Variants in PECAM1 observed in about 807,000 individuals in gnomAD.
PECAM1 encodes platelet endothelial cell adhesion molecule.
Under a neutral mutation model 13.8 loss-of-function variants are expected in PECAM1, and 8 were observed. The ratio of observed to expected loss-of-function variants is 0.58; its 90% confidence interval spans 0.34 to 1.05. PECAM1 has a LOEUF of 1.05. PECAM1 is among the 50% of genes least tolerant of loss of function. The probability of loss-of-function intolerance (pLI) is 0.03; values close to 1 mark genes in which losing one functional copy is unlikely to be tolerated. For synonymous variants in PECAM1, 136 were observed against 52.6 expected, an observed-to-expected ratio of 2.58 and a Z score of -6.86; for missense variants, 304 against 141.2, an observed-to-expected ratio of 2.15 and a Z score of -5.84.
At chr17:64,381,148 A>G (rs2036473684) in intron 2 of PECAM1, among the ~76,000 whole-genome samples, 1 of 152,192 alleles carries the variant, frequency 6.6e-6, no homozygotes, top group Non-Finnish European at 1.5e-5. Flanking sequence ...TGTTGATGAG[A>G]TATTGTCCCT....
At chr17:64,350,145 G>A (rs1400177873) in intron 12 of PECAM1, among the ~76,000 whole-genome samples, 2 of 152,052 alleles carry the variant, frequency 1.3e-5, no homozygotes, top group African/African-American at 4.8e-5. Flanking sequence ...GTTGTTTTTT[G>A]AGTATAACCC....
At chr17:64,346,577 C>A (rs1417208882) in intron 13 of PECAM1, among the ~76,000 whole-genome samples, 4 of 152,182 alleles carry the variant, frequency 2.6e-5, no homozygotes, top group Non-Finnish European at 5.9e-5. Flanking sequence ...CTCAAGTGAT[C>A]CACCTGCCTT....
intron 4 of PECAM1, among the ~76,000 whole-genome samples, chr17:64,371,556 G>T (rs913454198): frequency 6.6e-6 from 1 of 152,122 alleles, no homozygotes; most frequent in South Asian, 2.1e-4. Context: ...AAGGGGTCAG[G>T]CACGGTGCTC....
chr17:64,381,699 A>C (rs1292515053), intron 2 of PECAM1, among the ~76,000 whole-genome samples: 1 of 152,208 alleles, frequency 6.6e-6, no homozygotes, highest in African/African-American at 2.4e-5. Flanking sequence ...GTTTAAATTC[A>C]AGTCATTTCC....
At chr17:64,351,235 T>C (rs1358835393) in intron 11 of PECAM1, among the ~76,000 whole-genome samples, 1 of 152,204 alleles carries the variant, frequency 6.6e-6, no homozygotes, top group Non-Finnish European at 1.5e-5. Flanking sequence ...ACACATTACT[T>C]TTATTACTAC....
intron 13 of PECAM1, among the ~76,000 whole-genome samples, chr17:64,345,492 C>T (rs1477709702): frequency 1.3e-5 from 2 of 152,028 alleles, no homozygotes; most frequent in Non-Finnish European, 2.9e-5. Context: ...GCGGGTGGAT[C>T]ACCTGAGGTC....
Position 64,321,105 on chromosome 17 carries a change from G to C in PECAM1, c.*2711C>G, listed in dbSNP as rs2034803728. The C allele has an allele frequency of 6.6e-6, 1 of 152,240 alleles. No homozygotes were observed. The highest frequency in any genetic ancestry group is 1.5e-5 in the Non-Finnish European group (1 of 68,070). 9.4% of individuals were successfully genotyped at this position (152,240 alleles called of 1,614,324 possible). A position where few individuals can be genotyped will look rare whatever the true frequency, so the allele number is the denominator to read the frequency against. On this transcript the variant is annotated 3_prime_UTR_variant, in exon 16 of 16. Coordinates refer to ENST00000563924, the MANE Select transcript of PECAM1 (RefSeq NM_000442.5). Reference sequence around the variant, plus strand: ...AGTTAGCCAATCAGAGAACGCTGATGGGGCGACCAGTATATGCTCATGAAA... The same window carrying C: ...AGTTAGCCAATCAGAGAACGCTGATCGGGCGACCAGTATATGCTCATGAAA...
intron 4 of PECAM1, among the ~76,000 whole-genome samples, chr17:64,373,036 C>T (rs1193823712): frequency 3.3e-5 from 5 of 151,414 alleles, no homozygotes; most frequent in Middle Eastern, 3.4e-3. Context: ...CGCTTGAACC[C>T]GGGAGGCGGA....
At chr17:64,388,165 C>T (rs1246637139) in intron 2 of PECAM1, among the ~76,000 whole-genome samples, 1 of 152,076 alleles carries the variant, frequency 6.6e-6, no homozygotes, top group Non-Finnish European at 1.5e-5. Context: ...AAGGAGGGAG[C>T]AATTGACTTC....
intron 15 of PECAM1, among the ~76,000 whole-genome samples, chr17:64,325,557 G>A (rs1052255561): frequency 2.0e-5 from 3 of 152,108 alleles, no homozygotes; most frequent in Admixed American, 6.5e-5. Flanking sequence ...GCAACATGGC[G>A]AAGCCCCATC....
intron 15 of PECAM1, among the ~76,000 whole-genome samples, chr17:64,326,452 C>T (rs2034961767): frequency 6.6e-6 from 1 of 152,234 alleles, no homozygotes; most frequent in African/African-American, 2.4e-5. Context: ...GGCCCCTCCT[C>T]TGCCAGGAGA....
chr17:64,334,548 G>T (rs1024282800), intron 14 of PECAM1, among the ~76,000 whole-genome samples: 1 of 151,368 alleles, frequency 6.6e-6, no homozygotes, highest in Non-Finnish European at 1.5e-5. Flanking sequence ...TCACTCTGTC[G>T]CCCAGGCTGG....
chr17:64,325,942 T>A (rs559365559), intron 15 of PECAM1, among the ~76,000 whole-genome samples: 2 of 152,246 alleles, frequency 1.3e-5, no homozygotes, highest in Non-Finnish European at 1.5e-5. Flanking sequence ...TTATATTGTA[T>A]CAATTATTGA....
At position 64,322,779 on chromosome 17, in the gene PECAM1, G is replaced by T. The variant is rs2034837537; in HGVS notation, c.*1037C>A. 1.4e-5 allele frequency: 10 copies of T among 720,552 alleles called. No homozygotes were observed. Among genetic ancestry groups the T allele is most frequent in the African/African-American group, 1.9e-5 (1 of 52,306 alleles). 44.6% of individuals were successfully genotyped at this position (720,552 alleles called of 1,614,324 possible). A position where few individuals can be genotyped will look rare whatever the true frequency, so the allele number is the denominator to read the frequency against. On this transcript the variant is annotated 3_prime_UTR_variant, in exon 16 of 16. Coordinates refer to ENST00000563924, the MANE Select transcript of PECAM1 (RefSeq NM_000442.5). ...CACTCAGGCTGGAGTGCAGTGGCGC[G>T]ATCTCCGCTCACTACAACCTCCGTT...
intron 4 of PECAM1, among the ~76,000 whole-genome samples, chr17:64,371,752 C>T (rs1016132436): frequency 0.044 from 6,693 of 152,234 alleles, 241 homozygotes; most frequent in Non-Finnish European, 0.061. Flanking sequence ...ATCACTTGAA[C>T]CTGGTGGGCG....
chr17:64,369,107 G>A lies in PECAM1; in HGVS notation c.967+643C>T, dbSNP rs1259663908. ...ATGCTGCCATGCCCAGCTAATTTTCGTATTTTTAGTAGAGATGGGGTTTTA... is the reference window on the plus strand; with the variant it reads ...ATGCTGCCATGCCCAGCTAATTTTCATATTTTTAGTAGAGATGGGGTTTTA... On this transcript the variant is annotated intron_variant, in intron 5 of 15. Coordinates refer to ENST00000563924, the MANE Select transcript of PECAM1 (RefSeq NM_000442.5). Among the ~76,000 whole-genome samples the A allele has an allele frequency of 5.3e-5, 8 of 151,568 alleles. No homozygotes were observed. In the East Asian group the frequency reaches 7.9e-4, roughly 15 times the overall value.
chr17:64,382,338 A>G (rs1319566503), intron 2 of PECAM1, among the ~76,000 whole-genome samples: 3 of 152,190 alleles, frequency 2.0e-5, no homozygotes, highest in Admixed American at 6.5e-5. Context: ...CATCTCTGCT[A>G]CTAACAAAGC....
chr17:64,374,023 A>G (rs1364640055), intron 4 of PECAM1, among the ~76,000 whole-genome samples: 1 of 152,072 alleles, frequency 6.6e-6, no homozygotes, highest in Non-Finnish European at 1.5e-5. Flanking sequence ...TGTTTGTCCA[A>G]CGCAAATCTA....
In PECAM1 at chr17:64,329,625, C is replaced by T. The variant is rs141531322; in HGVS notation, c.2187+75G>A. 2,512 of 717,710 alleles carry T rather than the reference C, an allele frequency of 3.5e-3. 8 individuals carry two copies. The highest frequency in any genetic ancestry group is 4.7e-3 in the Non-Finnish European group (1,790 of 383,884). 44.5% of individuals were successfully genotyped at this position (717,710 alleles called of 1,614,324 possible). On this transcript the variant is annotated intron_variant, in intron 15 of 15. Coordinates refer to ENST00000563924, the MANE Select transcript of PECAM1 (RefSeq NM_000442.5). ...GGGAAGAATTCATGTGAATGCAGGA[C>T]GTGGGTGAGTCTGGAAATATTTCAC...
Sources: gnomAD v4.1 joint callset for allele counts (sites outside exome capture counted in the v4.1 genomes callset) on GRCh38, gnomAD v4.1.1 for gene constraint, MANE v1.5 for transcripts, NCBI Gene and HGNC (gene_info 2026-07-23, HGNC 2026-07-21) for gene names.